Variants in ADAMTS9 observed in about 807,000 individuals in gnomAD.
ADAMTS9 encodes the protein ADAM metallopeptidase with thrombospondin type 1 motif 9.
In ADAMTS9, 107 loss-of-function variants were observed where a neutral mutation model predicts 257.1. The ratio of observed to expected loss-of-function variants is 0.42; its 90% CI spans 0.36 to 0.49. The LOEUF (loss-of-function observed/expected upper bound fraction) is 0.49, where lower values mean the gene tolerates loss of function less well. ADAMTS9 is among the 20% of genes least tolerant of loss of function. ADAMTS9 has a pLI of 0.03. For synonymous variants in ADAMTS9, 982 were observed against 880.9 expected (o/e 1.11, Z -2.03); for missense variants, 2,353 against 2,469.1 (o/e 0.95, Z 1.00).
intron 39 of ADAMTS9, among the ~76,000 whole-genome samples, chr3:64,521,857 A>G (rs2082856333): frequency 6.6e-6 from 1 of 152,178 alleles, no homozygotes; most frequent in African/African-American, 2.4e-5. Context: ...GATGGGTTCA[A>G]ACGAAGCCTA....
At chr3:64,594,704 T>G (rs1169305890) in intron 27 of ADAMTS9, among the ~76,000 whole-genome samples, 1 of 152,206 alleles carries the variant, frequency 6.6e-6, no homozygotes, top group Non-Finnish European at 1.5e-5. Flanking sequence ...GTGTAATTAT[T>G]TGCCCCATCT....
rs1053313405 is a variant in ADAMTS9 at position 64,615,604 on chromosome 3, T to C, written c.3025-119A>G. ...AAACAACACACAAGCTGGCCAACTC[T>C]AGTTATTTTGGTGGAGATCTTTTCA... On this transcript the variant is annotated intron_variant, in intron 20 of 39. Coordinates refer to ENST00000498707, the MANE Select transcript of ADAMTS9 (RefSeq NM_182920.2). 1.0e-5 allele frequency: 11 copies of C among 1,080,028 alleles called. No individual in the cohort carries two copies. In the African/African-American group the frequency reaches 1.6e-4, roughly 16 times the overall value. The allele number at this position is 1,080,028 out of a possible 1,614,324, so 66.9% of individuals were successfully genotyped here. A position where few individuals can be genotyped will look rare whatever the true frequency, so the allele number is the denominator to read the frequency against.
chr3:64,657,407 G>C (rs1328313328), intron 4 of ADAMTS9, among the ~76,000 whole-genome samples: 2 of 152,082 alleles, frequency 1.3e-5, no homozygotes, highest in Non-Finnish European at 2.9e-5. Context: ...CGCAATCAAG[G>C]CTCACTGTAG....
At chr3:64,677,118 C>T (rs1342272564) in intron 3 of ADAMTS9, among the ~76,000 whole-genome samples, 2 of 152,192 alleles carry the variant, frequency 1.3e-5, no homozygotes, top group African/African-American at 2.4e-5. Flanking sequence ...CTCCAAAGGG[C>T]TCCCATAGGC....
intron 21 of ADAMTS9, among the ~76,000 whole-genome samples, chr3:64,614,609 G>A (rs911949432): frequency 5.3e-5 from 8 of 152,098 alleles, no homozygotes; most frequent in Non-Finnish European, 7.4e-5. Context: ...CTTAAGGAAC[G>A]TGGAGTGAGT....
chr3:64,579,202 T>C (rs1443552837), intron 28 of ADAMTS9, among the ~76,000 whole-genome samples: 1 of 152,162 alleles, frequency 6.6e-6, no homozygotes, highest in Non-Finnish European at 1.5e-5. Context: ...TCTAGCCACA[T>C]TAGTCTCTTT....
At chr3:64,633,660 G>C (rs755670831) in intron 13 of ADAMTS9, 38 bp downstream of exon 13, 1 of 1,613,748 alleles carries the variant, frequency 6.2e-7, no homozygotes, top group South Asian at 1.1e-5. Flanking sequence ...CTCAGTGCCG[G>C]CCGGCCAACG....
chr3:64,564,073 T>G (rs1482631080), intron 29 of ADAMTS9, among the ~76,000 whole-genome samples: 1 of 152,236 alleles, frequency 6.6e-6, no homozygotes, highest in Non-Finnish European at 1.5e-5. Context: ...ATCCAAGTTT[T>G]CTTGTTCTGT....
At chr3:64,584,802 T>C (rs2084105364) in intron 28 of ADAMTS9, among the ~76,000 whole-genome samples, 1 of 152,132 alleles carries the variant, frequency 6.6e-6, no homozygotes, top group Admixed American at 6.6e-5. Flanking sequence ...CCTGAAAAAT[T>C]TGAGAGTAAT....
intron 30 of ADAMTS9, 102 bp downstream of exon 30, chr3:64,561,476 C>A: frequency 7.6e-7 from 1 of 1,322,316 alleles, no homozygotes; most frequent in Non-Finnish European, 1.0e-6. Flanking sequence ...GCATTGTAAC[C>A]GTGCTCGGTG....
chr3:64,539,807 C>T (rs532292759), intron 36 of ADAMTS9, among the ~76,000 whole-genome samples: 1 of 152,328 alleles, frequency 6.6e-6, no homozygotes, highest in African/African-American at 2.4e-5. Context: ...GAACCCCCAT[C>T]TTGAAATTAT....
chr3:64,584,186 A>C (rs1244870082), intron 28 of ADAMTS9: 1 of 152,136 alleles, frequency 6.6e-6, no homozygotes, highest in African/African-American at 2.4e-5. Flanking sequence ...TTTTCAAAGG[A>C]ATCTGGATGT....
chr3:64,618,235 C>T (rs1241914097), intron 19 of ADAMTS9, among the ~76,000 whole-genome samples: 2 of 152,122 alleles, frequency 1.3e-5, no homozygotes, highest in Non-Finnish European at 2.9e-5. Context: ...TTCATATCTA[C>T]CAAAAGACCT....
intron 30 of ADAMTS9, among the ~76,000 whole-genome samples, chr3:64,558,206 T>C (rs916400054): frequency 6.6e-6 from 1 of 152,192 alleles, no homozygotes; most frequent in Admixed American, 6.5e-5. Context: ...AAGATAATGA[T>C]TCAGAGTGTA....
chr3:64,639,665 A>G (rs913025218), intron 12 of ADAMTS9, among the ~76,000 whole-genome samples: 2 of 152,188 alleles, frequency 1.3e-5, no homozygotes, highest in South Asian at 4.1e-4. Context: ...CCATACCCTC[A>G]TGATAGCATT....
At chr3:64,564,538 A>G (rs1029937759) in intron 29 of ADAMTS9, among the ~76,000 whole-genome samples, 3 of 152,210 alleles carry the variant, frequency 2.0e-5, no homozygotes, top group African/African-American at 4.8e-5. Context: ...AACACTTACT[A>G]TATGCTAGGG....
rs772291359 is a variant in ADAMTS9, at chr3:64,641,952, G to C, written c.1752C>G (p.Val584=). The change falls in exon 12 of 40, where the codon GTC becomes GTG. Residue 584 remains valine, a synonymous_variant. Coordinates refer to ENST00000498707, the MANE Select transcript of ADAMTS9 (RefSeq NM_182920.2). ...YGFCVPKEMD[V]PVTDGSWGSW... ...TTCCCCAGGATCCATCTGTCACGGG[G>C]ACATCCATTTCTTTGGGAACACAAA... is the stretch of plus-strand genomic sequence containing the variant. 2 of 1,614,078 alleles carry C rather than the reference G, an allele frequency of 1.2e-6. No homozygotes were observed. The highest frequency in any genetic ancestry group is 1.7e-6 in the Non-Finnish European group (2 of 1,180,008).
At chr3:64,673,834 A>G (rs1440954921) in intron 3 of ADAMTS9, among the ~76,000 whole-genome samples, 1 of 152,112 alleles carries the variant, frequency 6.6e-6, no homozygotes, top group East Asian at 1.9e-4. Context: ...CATAAAGAAA[A>G]ATAAGCAAAT....
chr3:64,558,224 G>A (rs1168257465), intron 30 of ADAMTS9, among the ~76,000 whole-genome samples: 1 of 152,178 alleles, frequency 6.6e-6, no homozygotes, highest in Non-Finnish European at 1.5e-5. Context: ...GTAGGTGCCA[G>A]CGTGCAAGCT....
Sources: gnomAD v4.1 joint callset for allele counts (sites outside exome capture counted in the v4.1 genomes callset) on GRCh38, gnomAD v4.1.1 for gene constraint, MANE v1.5 for transcripts, NCBI Gene and HGNC (gene_info 2026-07-23, HGNC 2026-07-21) for gene names.